Variants in TRIOBP observed in about 807,000 individuals in gnomAD.
TRIOBP encodes the protein TRIO and F-actin-binding protein.
TRIOBP carries 169 observed loss-of-function variants against 238.8 expected under a neutral mutation model. The ratio of observed to expected loss-of-function variants is 0.71; its 90% CI spans 0.62 to 0.80. The LOEUF (loss-of-function observed/expected upper bound fraction) is 0.80, where lower values mean the gene tolerates loss of function less well. TRIOBP is among the 30% of genes least tolerant of loss of function. The pLI is 0.00. For synonymous variants in TRIOBP, 1,150 were observed against 1,274.4 expected, an observed-to-expected ratio of 0.90 and a Z score of 2.08; for missense variants, 2,838 against 3,122.6, an observed-to-expected ratio of 0.91 and a Z score of 2.17.
chr22:37,752,779 C>G (rs1349547679), intron 12 of TRIOBP, among the ~76,000 whole-genome samples: 1 of 152,176 alleles, frequency 6.6e-6, no homozygotes, highest in Non-Finnish European at 1.5e-5. Flanking sequence ...ATTACAGGCC[C>G]CACCCAGAGC....
At chr22:37,716,579 G>A (rs544260232) in intron 6 of TRIOBP, among the ~76,000 whole-genome samples, 26 of 152,238 alleles carry the variant, frequency 1.7e-4, no homozygotes, top group African/African-American at 4.8e-4. Flanking sequence ...ACAGGCACCC[G>A]CCACCACACG....
chr22:37,752,193 G>T (rs1481241869), intron 12 of TRIOBP, among the ~76,000 whole-genome samples: 4 of 152,180 alleles, frequency 2.6e-5, no homozygotes, highest in Non-Finnish European at 5.9e-5. Context: ...GGGGGGTGGG[G>T]CTCAGGGCGC....
chr22:37,773,137 G>A (rs991142406), intron 23 of TRIOBP, among the ~76,000 whole-genome samples: 9 of 152,168 alleles, frequency 5.9e-5, no homozygotes, highest in African/African-American at 1.9e-4. Context: ...TTCTATCCCA[G>A]TTAGTCTTAA....
At chr22:37,720,053 AGGCTGGAGTACAAT>A (rs1923750548) in intron 6 of TRIOBP, among the ~76,000 whole-genome samples, 1 of 110,606 alleles carries the variant, frequency 9.0e-6, no homozygotes. Flanking sequence ...CTTGTTGCCC[AGGCTGGAGTACAAT>A]GGCGCAGTCT....
At position 37,768,912 on chromosome 22, in the gene TRIOBP, G is replaced by T. The variant is rs1408510043; in HGVS notation, c.6576-116G>T. The T allele has an allele frequency of 2.7e-6, 4 of 1,469,510 alleles. No individual in the cohort carries two copies. In the East Asian group the frequency reaches 9.1e-5, roughly 34 times the overall value. 91.0% of individuals were successfully genotyped at this position (1,469,510 alleles called of 1,614,324 possible). A position where few individuals can be genotyped will look rare whatever the true frequency, so the allele number is the denominator to read the frequency against. On this transcript the variant is annotated intron_variant, in intron 19 of 23. Transcript: ENST00000644935. ...TTCACAGCCCCACAGCAGGCTAAAGGCAAACCTAGAGAGGGAACCCCAGAG... is the reference window on the plus strand; with the variant it reads ...TTCACAGCCCCACAGCAGGCTAAAGTCAAACCTAGAGAGGGAACCCCAGAG...
At chr22:37,735,593 C>A in intron 9 of TRIOBP, 151 bp downstream of exon 9, 2 of 906,278 alleles carry the variant, frequency 2.2e-6, no homozygotes, top group Non-Finnish European at 3.4e-6. Context: ...CAACCCATCC[C>A]GATCACCAAA....
chr22:37,758,176 C>T (rs1390897515), intron 16 of TRIOBP, 38 bp downstream of exon 16: 1 of 1,607,592 alleles, frequency 6.2e-7, no homozygotes. Context: ...GGCCCCTTGC[C>T]CCAGCGCCCC....
In TRIOBP at chr22:37,755,410, G is replaced by A. The variant is rs1925863062; in HGVS notation, c.5578-140G>A. On this transcript the variant is annotated intron_variant, in intron 14 of 23. Transcript: ENST00000644935. ...CTCTTCCCAGGCCAATGGAAGGGAG[G>A]TTTTGTACCCCCTGCCCACCCCAGA... 4.2e-6 allele frequency: 4 copies of A among 943,020 alleles called. No homozygotes were observed. In the South Asian group the frequency reaches 5.6e-5, roughly 13 times the overall value. The allele number at this position is 943,020 out of a possible 1,614,324, so 58.4% of individuals were successfully genotyped here.
chr22:37,762,212 C>T (rs1325463484), intron 17 of TRIOBP, among the ~76,000 whole-genome samples: 1 of 152,182 alleles, frequency 6.6e-6, no homozygotes, highest in Non-Finnish European at 1.5e-5. Context: ...CCACAGGCTA[C>T]ACCACCATGC....
Position 37,740,925 on chromosome 22 carries a change from G to A in TRIOBP, c.5215G>A (p.Gly1739Arg), listed in dbSNP as rs1370457413. 1 of 1,573,450 alleles carries A rather than the reference G, an allele frequency of 6.4e-7. No homozygotes were observed. Among genetic ancestry groups the A allele is most frequent in the Non-Finnish European group, 8.6e-7 (1 of 1,159,364 alleles). The change falls in exon 11 of 24, where the codon GGG (glycine) becomes AGG (arginine). Residue 1739 changes from glycine (G) to arginine (R), a missense_variant. This residue lies in a region of TRIOBP where 2,096 missense variants were observed against 2,137.4 expected (regional missense o/e 0.98). Transcript: ENST00000644935. The part of the protein sequence containing the change: ...ADKRPAEGKA[G>R]SPLKGRLVTS... ...CAAGAGGCCAGCAGAGGGCAAGGCT[G>A]GGAGCCCGCTCAAGGGCCGACTGGT...
chr22:37,753,278 G>GT (rs113572966), intron 12 of TRIOBP, among the ~76,000 whole-genome samples: 191 of 147,172 alleles, frequency 1.3e-3, no homozygotes, highest in Middle Eastern at 3.5e-3. Context: ...TTTTATTTTT[G>GT]TTTTTTTTTT....
At chr22:37,767,932 G>T (rs1035023276) in intron 18 of TRIOBP, 142 bp from the exon 19 acceptor site, 13 of 735,372 alleles carry the variant, frequency 1.8e-5, no homozygotes, top group Non-Finnish European at 2.7e-5. Context: ...AGCACTCCTT[G>T]GTCCAAGTCC....
intron 11 of TRIOBP, among the ~76,000 whole-genome samples, chr22:37,741,286 A>G (rs576557686): frequency 6.6e-4 from 100 of 152,218 alleles, no homozygotes; most frequent in African/African-American, 2.2e-3. Flanking sequence ...GGAATAATCT[A>G]CACAGCTGAA....
chr22:37,743,825 G>GC (rs1262096034), intron 11 of TRIOBP, among the ~76,000 whole-genome samples: 8 of 125,660 alleles, frequency 6.4e-5, no homozygotes, highest in Non-Finnish European at 1.3e-4. Context: ...GTGTGTGTGT[G>GC]TGTGTGTGTG....
At position 37,765,829 on chromosome 22, in the gene TRIOBP, G is replaced by GT. The variant is rs1555901289; in HGVS notation, c.6472+12_6472+13insT. On this transcript the variant is annotated intron_variant, in intron 18 of 23. Transcript: ENST00000644935. Reference sequence around the variant, plus strand: ...AGCCACGGCCTCAGGTATGGACCCTGGGGGGGGCACAGTGGGCTGGGCTCT... The same window carrying GT: ...AGCCACGGCCTCAGGTATGGACCCTGTGGGGGGGCACAGTGGGCTGGGCTCT... 140 of 1,439,876 alleles carry GT rather than the reference G, an allele frequency of 9.7e-5. No homozygotes were observed. Among genetic ancestry groups the GT allele is most frequent in the East Asian group, 6.4e-4 (25 of 39,326 alleles). 89.2% of individuals were successfully genotyped at this position (1,439,876 alleles called of 1,614,324 possible). A position where few individuals can be genotyped will look rare whatever the true frequency, so the allele number is the denominator to read the frequency against.
chr22:37,748,418 G>T (rs1300542145), intron 11 of TRIOBP, among the ~76,000 whole-genome samples: 2 of 152,130 alleles, frequency 1.3e-5, no homozygotes, highest in African/African-American at 4.8e-5. Flanking sequence ...GCCTTTGCCT[G>T]GGTGCAGCTT....
In TRIOBP at chr22:37,735,143, G is replaced by A. The variant is rs1924609403; in HGVS notation, c.4807G>A (p.Asp1603Asn). 1 of 1,610,492 alleles carries A rather than the reference G, an allele frequency of 6.2e-7. No homozygotes were observed. The highest frequency in any genetic ancestry group is 1.3e-5 in the African/African-American group (1 of 74,980). Residue 1603 changes from aspartate (D) to asparagine (N), a missense_variant, in exon 9 of 24, where the codon GAT becomes AAT. Physicochemically the swap from Asp to Asn is conservative, Grantham distance 23. Around this residue, in one of 5 missense-constraint regions of TRIOBP, gnomAD observed 2,096 missense variants for 2,137.4 expected, o/e 0.98. Coordinates refer to ENST00000644935, the MANE Select transcript of TRIOBP (RefSeq NM_001039141.3). The stretch of plus-strand genomic sequence containing the variant: ...CCGCAAGGACCCAGCTGGACACAGG[G>A]ATGACCTGGCCAGGGCTTTAGGGCC... ...LPRKDPAGHR[D>N]DLARALGPEL...
At chr22:37,723,143 G>A in intron 6 of TRIOBP, 42 bp from the exon 7 acceptor site, 1 of 1,604,492 alleles carries the variant, frequency 6.2e-7, no homozygotes, top group African/African-American at 1.3e-5. Flanking sequence ...AGAGCTGCCT[G>A]GACCTCTCCC....
intron 3 of TRIOBP, among the ~76,000 whole-genome samples, chr22:37,704,034 T>C (rs1250235886): frequency 1.3e-5 from 2 of 152,056 alleles, no homozygotes; most frequent in Non-Finnish European, 2.9e-5. Flanking sequence ...AATTCATACG[T>C]ACTGAATAGG....
Sources: allele counts gnomAD v4.1 joint callset (sites outside exome capture counted in the v4.1 genomes callset), GRCh38; gene constraint gnomAD v4.1.1; regional missense constraint gnomAD v4.1.1; transcripts MANE v1.5; gene names NCBI Gene and HGNC (gene_info 2026-07-23, HGNC 2026-07-21).